XIAP: variants seen among roughly 807,000 people sequenced by gnomAD.
The protein encoded by XIAP is E3 ubiquitin-protein ligase XIAP.
A neutral mutation model predicts 33.1 loss-of-function variants in XIAP; 3 were observed. That is an observed-to-expected ratio of 0.09 (90% CI 0.04 to 0.23). The LOEUF is 0.23. Ranked by LOEUF, XIAP falls within the 10% of genes least tolerant of loss-of-function variation. The pLI is 1.00. For synonymous variants in XIAP, 98 were observed against 121.3 expected (o/e 0.81, Z 1.26); for missense variants, 264 against 363.0 (o/e 0.73, Z 2.22).
intron 1 of XIAP, among the ~76,000 whole-genome samples, chrX:123,873,652 G>A (rs1420467085): frequency 1.8e-5 from 2 of 109,986 alleles, no homozygotes; most frequent in African/African-American, 6.6e-5. Flanking sequence ...GCCAGGCGTC[G>A]TGGCGGCACA....
chrX:123,888,892 T>C (rs370279197), intron 3 of XIAP, among the ~76,000 whole-genome samples, 174 bp downstream of exon 3: 1 of 112,241 alleles, frequency 8.9e-6, no homozygotes, highest in African/African-American at 3.2e-5. Flanking sequence ...CATTCACTGC[T>C]TATGTGTGAT....
intron 1 of XIAP, among the ~76,000 whole-genome samples, chrX:123,868,049 A>G (rs2053160443): frequency 8.9e-6 from 1 of 111,919 alleles, no homozygotes; most frequent in East Asian, 2.8e-4. Context: ...TCTGTAAAGT[A>G]ACAGGGTCAG....
chrX:123,873,981 T>C (rs1296417107), intron 1 of XIAP: 1 of 107,568 alleles, frequency 9.3e-6, no homozygotes, highest in Non-Finnish European at 1.9e-5. Context: ...CAGTTACCTA[T>C]GTAACAAGCT....
At chrX:123,878,308 G>C (rs998284354) in intron 1 of XIAP, among the ~76,000 whole-genome samples, 6 of 111,538 alleles carry the variant, frequency 5.4e-5, no homozygotes, top group Non-Finnish European at 1.1e-4. Context: ...AGTATATGCA[G>C]AGTTGTGCAA....
chrX:123,862,935 A>G (rs1360832210), intron 1 of XIAP, among the ~76,000 whole-genome samples: 4 of 109,943 alleles, frequency 3.6e-5, no homozygotes, highest in Non-Finnish European at 3.8e-5. Flanking sequence ...TAAAAATACA[A>G]AAATTAGCCG....
intron 1 of XIAP, among the ~76,000 whole-genome samples, chrX:123,882,104 A>T (rs1273018509): frequency 8.9e-6 from 1 of 111,916 alleles, no homozygotes; most frequent in East Asian, 2.8e-4. Context: ...ACCTCAGGGA[A>T]GGCAATTCTC....
chrX:123,864,916 TC>T (rs2053120111), intron 1 of XIAP, among the ~76,000 whole-genome samples: 1 of 107,479 alleles, frequency 9.3e-6, no homozygotes, highest in South Asian at 4.1e-4. Flanking sequence ...TCTCCTGACC[TC>T]GTGATCTGCC....
intron 1 of XIAP, 30 bp downstream of exon 1, chrX:123,860,323 C>T: frequency 3.0e-6 from 1 of 328,131 alleles, no homozygotes; most frequent in Non-Finnish European, 5.9e-6. Context: ...GCTTTCCCCT[C>T]CCCCGCTTTC....
chrX:123,889,458 G>A (rs2053384531), intron 3 of XIAP, among the ~76,000 whole-genome samples: 1 of 109,289 alleles, frequency 9.2e-6, no homozygotes, highest in Non-Finnish European at 1.9e-5. Context: ...GGCCCGCCTC[G>A]GCCTCCCAAA....
chrX:123,859,749 C>A (rs954137652), upstream of XIAP: 2 of 181,296 alleles, frequency 1.1e-5, no homozygotes, highest in African/African-American at 8.9e-5. Context: ...GTCAGCTTCT[C>A]GGTTCCAGCC....
In XIAP at chrX:123,886,090, C is replaced by T. The variant is rs1280772426; in HGVS notation, c.428C>T (p.Thr143Ile). The T allele has an allele frequency of 8.3e-7, 1 of 1,210,082 alleles. No homozygotes were observed. The highest frequency in any genetic ancestry group is 3.0e-5 in the East Asian group (1 of 33,809). Residue 143 changes from threonine (T) to isoleucine (I), a missense_variant, in exon 2 of 7, where the codon ACT becomes ATT. Transcript: ENST00000371199. Reference protein sequence around the residue: ...SETHADYLLRTGQVVDISDTI... With the variant: ...SETHADYLLRIGQVVDISDTI... ...ACACATGCAGACTATCTTTTGAGAA[C>T]TGGGCAGGTTGTAGATATATCAGAC...
At chrX:123,867,099 T>C (rs2053148156) in intron 1 of XIAP, among the ~76,000 whole-genome samples, 1 of 84,472 alleles carries the variant, frequency 1.2e-5, no homozygotes, top group Non-Finnish European at 2.2e-5. Context: ...AGACGGAGTC[T>C]CGCTCTGTCG....
chrX:123,878,100 A>G (rs1396480381), intron 1 of XIAP, among the ~76,000 whole-genome samples: 1 of 112,328 alleles, frequency 8.9e-6, no homozygotes, highest in Non-Finnish European at 1.9e-5. Flanking sequence ...CTGAAAATGT[A>G]CTAACATCCC....
rs1480500697 is a variant in XIAP, at chrX:123,862,299, C to G, written c.-33+2006C>G. On this transcript the variant is annotated intron_variant, in intron 1 of 6. Transcript: ENST00000371199. ...GGCCAGGCTGATCTCGAACTCCTGA[C>G]CTCAGGTGATGCACCCGCCTCGGCC... 5.5e-5 allele frequency among the ~76,000 whole-genome samples: 6 copies of G among 108,815 alleles called. No individual in the cohort carries two copies. The Admixed American group carries it at 5.9e-4, about 11-fold the overall frequency. 94.5% of individuals were successfully genotyped at this position (108,815 alleles called of 115,157 possible).
chrX:123,887,295 G>A (rs901208374), intron 2 of XIAP, among the ~76,000 whole-genome samples: 1 of 111,983 alleles, frequency 8.9e-6, no homozygotes, highest in African/African-American at 3.2e-5. Context: ...TGATCCGCCC[G>A]CCTTGGCCTC....
rs2053574167 is a variant in XIAP, at chrX:123,908,833, A to G, written c.*1652A>G. On this transcript the variant is annotated 3_prime_UTR_variant, in exon 7 of 7. Transcript: ENST00000371199. ...GCTTCATAGAACGTCCAGGGTTTACATTACAAGATTCTCACAACAAACCTA... is the reference window on the plus strand; with the variant it reads ...GCTTCATAGAACGTCCAGGGTTTACGTTACAAGATTCTCACAACAAACCTA... 2.9e-6 allele frequency: 1 copy of G among 347,438 alleles called. No homozygotes were observed. Among genetic ancestry groups the G allele is most frequent in the South Asian group, 2.6e-5 (1 of 38,263 alleles). The allele number at this position is 347,438 out of a possible 1,213,427, so 28.6% of individuals were successfully genotyped here.
At chrX:123,871,280 A>G (rs202226311) in intron 1 of XIAP, among the ~76,000 whole-genome samples, 1 of 22,179 alleles carries the variant, frequency 4.5e-5, no homozygotes. Flanking sequence ...TCTCTTAAAG[A>G]AAAAAAAAAG....
At chrX:123,875,471 G>T (rs1012952963) in intron 1 of XIAP, among the ~76,000 whole-genome samples, 4 of 112,065 alleles carry the variant, frequency 3.6e-5, no homozygotes, top group Non-Finnish European at 7.5e-5. Flanking sequence ...GTTCTAACAG[G>T]CAAATGCCTC....
At chrX:123,860,457 C>G (rs1283510301) in intron 1 of XIAP, 164 bp downstream of exon 1, 2 of 259,892 alleles carry the variant, frequency 7.7e-6, no homozygotes, top group Non-Finnish European at 1.5e-5. Flanking sequence ...GCTGCTTGCC[C>G]GGGTTCCTCG....
Sources: gnomAD v4.1 joint callset for allele counts (sites outside exome capture counted in the v4.1 genomes callset) on GRCh38, gnomAD v4.1.1 for gene constraint, MANE v1.5 for transcripts, NCBI Gene and HGNC (gene_info 2026-07-23, HGNC 2026-07-21) for gene names.